The following NFYB variants were observed in gnomAD, a reference collection of about 807,000 sequenced individuals.
NFYB encodes the protein CAAT box DNA-binding protein subunit B.
A neutral mutation model predicts 28.0 loss-of-function variants in NFYB; 13 were observed. The ratio of observed to expected loss-of-function variants is 0.46; its 90% CI spans 0.30 to 0.74. The LOEUF (loss-of-function observed/expected upper bound fraction) is 0.74, where lower values mean the gene tolerates loss of function less well. Among genes scored for constraint, NFYB ranks in the 30% least tolerant of loss-of-function variants. The pLI is 0.07. For synonymous variants in NFYB, 74 were observed against 75.0 expected (o/e 0.99, Z 0.07); for missense variants, 142 against 247.6 (o/e 0.57, Z 2.86).
At chr12:104,129,491 C>G (rs1314909851) in intron 2 of NFYB, among the ~76,000 whole-genome samples, 3 of 152,166 alleles carry the variant, frequency 2.0e-5, no homozygotes, top group Admixed American at 6.5e-5. Flanking sequence ...TGCGGATTCT[C>G]TGCACAATTC....
chr12:104,126,103 C>T lies in NFYB; in HGVS notation c.231+11G>A. 6.4e-7 allele frequency: 1 copy of T among 1,568,672 alleles called. No homozygotes were observed. The highest frequency in any genetic ancestry group is 8.6e-7 in the Non-Finnish European group (1 of 1,162,892). ...TTGAAAAAACCTAGTTAAATTTCTC[C>T]TCTACGTTACCTTTCCCGTTTGAGG... On this transcript the variant is annotated intron_variant, in intron 4 of 7. Coordinates refer to ENST00000240055, the MANE Select transcript of NFYB (RefSeq NM_006166.4).
In NFYB at chr12:104,118,956, C is replaced by A. The variant is rs561578129; in HGVS notation, c.*781G>T. 1 of 152,148 alleles carries A rather than the reference C, an allele frequency of 6.6e-6. No individual in the cohort carries two copies. Among genetic ancestry groups the A allele is most frequent in the East Asian group, 1.9e-4 (1 of 5,184 alleles). The allele number at this position is 152,148 out of a possible 1,614,324, so 9.4% of individuals were successfully genotyped here. On this transcript the variant is annotated 3_prime_UTR_variant, in exon 8 of 8. Transcript: ENST00000240055. ...AAAATCATGTACCAAATGAAAGGGG[C>A]ACCATTTCAAGAGCACTAGGACTAC...
At position 104,119,535 on chromosome 12, in the gene NFYB, C is replaced by A. The variant is rs1156718546; in HGVS notation, c.*202G>T. The A allele has an allele frequency of 6.3e-6, 3 of 472,782 alleles. No homozygotes were observed. The highest frequency in any genetic ancestry group is 3.9e-5 in the African/African-American group (2 of 51,812). The allele number at this position is 472,782 out of a possible 1,614,324, so 29.3% of individuals were successfully genotyped here. The stretch of plus-strand genomic sequence containing the variant: ...AAAAATATTTTAATACCTTTAAAAT[C>A]CAAATTTTTCTTTAAAATCATTCAT... On this transcript the variant is annotated 3_prime_UTR_variant, in exon 8 of 8. Transcript: ENST00000240055.
At chr12:104,124,475 A>C (rs1300404860) in intron 4 of NFYB, among the ~76,000 whole-genome samples, 1 of 152,252 alleles carries the variant, frequency 6.6e-6, no homozygotes, top group East Asian at 1.9e-4. Context: ...TATTTTCCAT[A>C]CTGGAGAAAG....
chr12:104,128,883 G>A (rs1036802589), intron 2 of NFYB, among the ~76,000 whole-genome samples: 1 of 151,984 alleles, frequency 6.6e-6, no homozygotes, highest in Non-Finnish European at 1.5e-5. Context: ...GCCCAGGCTG[G>A]TCTGGAACTC....
At chr12:104,133,641 T>C (rs1187601595) in intron 2 of NFYB, among the ~76,000 whole-genome samples, 1 of 152,222 alleles carries the variant, frequency 6.6e-6, no homozygotes, top group Non-Finnish European at 1.5e-5. Flanking sequence ...AATCTTAGTA[T>C]TGCCCCCTCA....
chr12:104,120,142 A>G (rs1442121919), intron 7 of NFYB, among the ~76,000 whole-genome samples: 2 of 151,760 alleles, frequency 1.3e-5, no homozygotes, highest in Non-Finnish European at 2.9e-5. Flanking sequence ...TGCAACCTCC[A>G]CCTCCAGGGT....
chr12:104,124,296 C>A (rs2030598109), intron 4 of NFYB, among the ~76,000 whole-genome samples: 1 of 152,160 alleles, frequency 6.6e-6, no homozygotes, highest in Non-Finnish European at 1.5e-5. Flanking sequence ...AAAAAGCCTG[C>A]CTAAAGAAGC....
chr12:104,123,110 A>G, intron 5 of NFYB, 116 bp downstream of exon 5: 2 of 725,900 alleles, frequency 2.8e-6, no homozygotes, highest in Non-Finnish European at 4.5e-6. Context: ...CAGGAGGCAG[A>G]GGTTGCAGTG....
At chr12:104,125,565 C>T (rs977243290) in intron 4 of NFYB, among the ~76,000 whole-genome samples, 3 of 151,604 alleles carry the variant, frequency 2.0e-5, no homozygotes, top group African/African-American at 7.3e-5. Context: ...TTAAAACAGT[C>T]GGGCCAGGCA....
At position 104,117,914 on chromosome 12, in the gene NFYB, G is replaced by A. The variant is rs1271897805; in HGVS notation, c.*1823C>T. 6.6e-6 allele frequency: 1 copy of A among 152,118 alleles called. No homozygotes were observed. Among genetic ancestry groups the A allele is most frequent in the Non-Finnish European group, 1.5e-5 (1 of 68,028 alleles). The allele number at this position is 152,118 out of a possible 1,614,324, so 9.4% of individuals were successfully genotyped here. A position where few individuals can be genotyped will look rare whatever the true frequency, so the allele number is the denominator to read the frequency against. On this transcript the variant is annotated 3_prime_UTR_variant, in exon 8 of 8. Transcript: ENST00000240055. ...AAAATTTTGCATATTTGGTAACCCA[G>A]CAATTCAAAGAATTTAAGAAAACAG...
chr12:104,134,218 C>G (rs61440530), intron 2 of NFYB, among the ~76,000 whole-genome samples: 8,406 of 152,248 alleles, frequency 0.055, 263 homozygotes, highest in South Asian at 0.11. Flanking sequence ...CACTTCTATG[C>G]TTATAAATGC....
In NFYB at chr12:104,117,542, G is replaced by A. The variant is rs2030310730; in HGVS notation, c.*2195C>T. The A allele has an allele frequency of 6.6e-6, 1 of 152,138 alleles. No individual in the cohort carries two copies. The highest frequency in any genetic ancestry group is 1.5e-5 in the Non-Finnish European group (1 of 68,054). The allele number at this position is 152,138 out of a possible 1,614,324, so 9.4% of individuals were successfully genotyped here. A position where few individuals can be genotyped will look rare whatever the true frequency, so the allele number is the denominator to read the frequency against. ...ATGCCTCAGCCACCAGGGAGTAAGG[G>A]ACTACAGGTGTGCACCACCACACCC... is the stretch of plus-strand genomic sequence containing the variant. On this transcript the variant is annotated 3_prime_UTR_variant, in exon 8 of 8. Transcript: ENST00000240055.
intron 2 of NFYB, among the ~76,000 whole-genome samples, chr12:104,134,816 C>T (rs1043572535): frequency 1.3e-5 from 2 of 152,168 alleles, no homozygotes; most frequent in East Asian, 1.9e-4. Flanking sequence ...AGGAGTGAAG[C>T]GACCACAGCT....
chr12:104,127,721 C>G (rs2030774782), intron 3 of NFYB, among the ~76,000 whole-genome samples: 1 of 123,996 alleles, frequency 8.1e-6, no homozygotes. Flanking sequence ...GTCACCCAGG[C>G]TGGAGTGTGC....
intron 5 of NFYB, among the ~76,000 whole-genome samples, chr12:104,122,997 T>G (rs960415992): frequency 9.3e-5 from 14 of 151,328 alleles, no homozygotes; most frequent in African/African-American, 3.4e-4. Context: ...CAACATGGTG[T>G]AACCCCCGTC....
At chr12:104,134,531 A>G (rs1299728524) in intron 2 of NFYB, among the ~76,000 whole-genome samples, 1 of 151,902 alleles carries the variant, frequency 6.6e-6, no homozygotes, top group Non-Finnish European at 1.5e-5. Context: ...TCCCTTTCCT[A>G]TTTCCACTGG....
chr12:104,130,130 C>G (rs2030870090), intron 2 of NFYB, among the ~76,000 whole-genome samples: 1 of 152,084 alleles, frequency 6.6e-6, no homozygotes, highest in South Asian at 2.1e-4. Context: ...AATAAGATAT[C>G]TGTGAGTGAA....
intron 3 of NFYB, among the ~76,000 whole-genome samples, chr12:104,126,619 C>A (rs1039358359): frequency 1.3e-5 from 2 of 152,082 alleles, no homozygotes; most frequent in Non-Finnish European, 2.9e-5. Context: ...TTCCTCATTT[C>A]TCCTATTAGA....
Sources: allele counts gnomAD v4.1 joint callset (sites outside exome capture counted in the v4.1 genomes callset), GRCh38; gene constraint gnomAD v4.1.1; transcripts MANE v1.5; gene names NCBI Gene and HGNC (gene_info 2026-07-23, HGNC 2026-07-21).